ROBO2: variants seen among roughly 807,000 people sequenced by gnomAD.
ROBO2 encodes the protein roundabout guidance receptor 2, also known as roundabout homolog 2.
In ROBO2, 53 loss-of-function variants were observed where a neutral mutation model predicts 160.8. The ratio of observed to expected loss-of-function variants is 0.33; its 90% confidence interval spans 0.26 to 0.41. The LOEUF (loss-of-function observed/expected upper bound fraction) is 0.41. ROBO2 is among the 10% of genes least tolerant of loss of function. The pLI is 1.00. For synonymous variants in ROBO2, 664 were observed against 611.7 expected (o/e 1.09, Z -1.26); for missense variants, 1,577 against 1,722.4 (o/e 0.92, Z 1.49).
chr3:77,083,100 C>A (rs903018666), intron 1 of ROBO2, among the ~76,000 whole-genome samples: 1 of 152,024 alleles, frequency 6.6e-6, no homozygotes, highest in Non-Finnish European at 1.5e-5. Context: ...CTGCAGTCAG[C>A]GTATTTTTTC....
chr3:75,967,185 T>C (rs1949145509), intron 2 of ROBO2, among the ~76,000 whole-genome samples: 1 of 151,688 alleles, frequency 6.6e-6, no homozygotes, highest in Non-Finnish European at 1.5e-5. Flanking sequence ...TTCTCTTTTT[T>C]GTAAGTATCT....
intron 2 of ROBO2, among the ~76,000 whole-genome samples, chr3:76,399,543 G>A (rs2077691809): frequency 6.6e-6 from 1 of 151,702 alleles, no homozygotes; most frequent in Non-Finnish European, 1.5e-5. Context: ...AAACACCCCT[G>A]AGGTTTCTGA....
chr3:76,406,222 A>C lies in ROBO2; in HGVS notation c.109+468620A>C, dbSNP rs941891534. Among the ~76,000 whole-genome samples the C allele has an allele frequency of 4.6e-5, 7 of 151,980 alleles. No homozygotes were observed. The South Asian group carries it at 1.5e-3, about 32-fold the overall frequency. On this transcript the variant is annotated intron_variant, in intron 2 of 26. Coordinates refer to the ROBO2 transcript ENST00000487694. ...ACCATATGAATTTTACTCTCAGTAAAAATGTAATAAATCAATGGAATTTGC... is the reference window on the plus strand; with the variant it reads ...ACCATATGAATTTTACTCTCAGTAACAATGTAATAAATCAATGGAATTTGC...
intron 2 of ROBO2, among the ~76,000 whole-genome samples, chr3:76,769,398 G>C (rs2061757276): frequency 6.6e-6 from 1 of 151,272 alleles, no homozygotes; most frequent in South Asian, 2.1e-4. Flanking sequence ...ACCATGCTTT[G>C]AGGAGTAAAA....
chr3:76,755,281 G>A (rs1304633764), intron 2 of ROBO2, among the ~76,000 whole-genome samples: 1 of 151,804 alleles, frequency 6.6e-6, no homozygotes. Context: ...GATTCTAGAT[G>A]TGCTGCTTCA....
chr3:77,645,009 G>A, intron 25 of ROBO2, 105 bp downstream of exon 27: 3 of 1,207,514 alleles, frequency 2.5e-6, no homozygotes, highest in Non-Finnish European at 3.6e-6. Context: ...AACTTGCTCT[G>A]TTACAAAAAC....
At chr3:76,562,004 A>C (rs1560152586) in intron 2 of ROBO2, among the ~76,000 whole-genome samples, 1 of 152,096 alleles carries the variant, frequency 6.6e-6, no homozygotes, top group African/African-American at 2.4e-5. Flanking sequence ...AGAGGGCAAC[A>C]TCTGCCCCTG....
At chr3:76,453,002 G>A (rs1219767611) in intron 2 of ROBO2, among the ~76,000 whole-genome samples, 5 of 152,014 alleles carry the variant, frequency 3.3e-5, no homozygotes, top group African/African-American at 9.7e-5. Flanking sequence ...CATGTCCTTT[G>A]CCCACTTTTT....
At chr3:77,626,344 C>T (rs553131443) in intron 23 of ROBO2, among the ~76,000 whole-genome samples, 1 of 152,238 alleles carries the variant, frequency 6.6e-6, no homozygotes, top group South Asian at 2.1e-4. Flanking sequence ...CCCATGCTAA[C>T]AAAATTCAAC....
chr3:76,809,890 C>G (rs1289897191), intron 2 of ROBO2, among the ~76,000 whole-genome samples: 1 of 151,328 alleles, frequency 6.6e-6, no homozygotes, highest in Admixed American at 6.6e-5. Flanking sequence ...CACTAGAGAA[C>G]AGGACAATTT....
chr3:76,404,865 C>A (rs868546700), intron 2 of ROBO2, among the ~76,000 whole-genome samples: 1 of 151,202 alleles, frequency 6.6e-6, no homozygotes, highest in South Asian at 2.1e-4. Context: ...GTGAATATGG[C>A]GTATGTGAAA....
At chr3:77,113,465 T>G (rs2073883565) in intron 2 of ROBO2, among the ~76,000 whole-genome samples, 1 of 152,230 alleles carries the variant, frequency 6.6e-6, no homozygotes, top group South Asian at 2.1e-4. Context: ...TCTTCAAATG[T>G]GTATGTCATT....
chr3:76,426,546 G>T (rs77097133), intron 2 of ROBO2, among the ~76,000 whole-genome samples: 2,020 of 152,206 alleles, frequency 0.013, 27 homozygotes, highest in Non-Finnish European at 0.019. Flanking sequence ...TCATTCAAGT[G>T]CTTGGTCACA....
chr3:77,402,972 G>C (rs1335458752), intron 2 of ROBO2, among the ~76,000 whole-genome samples: 1 of 152,080 alleles, frequency 6.6e-6, no homozygotes, highest in East Asian at 1.9e-4. Flanking sequence ...ATGCCCCTCA[G>C]TTGAATTCCT....
chr3:76,239,686 T>C (rs1705172789), intron 2 of ROBO2, among the ~76,000 whole-genome samples: 1 of 152,170 alleles, frequency 6.6e-6, no homozygotes, highest in Non-Finnish European at 1.5e-5. Context: ...TTGATCAAGA[T>C]TACAAATTAA....
chr3:75,962,013 T>C (rs1328539662), intron 2 of ROBO2, among the ~76,000 whole-genome samples: 2 of 151,320 alleles, frequency 1.3e-5, no homozygotes, highest in African/African-American at 2.4e-5. Context: ...CTTGTATTAA[T>C]AAAAGAAGAC....
At chr3:77,122,305 G>A (rs1421278380) in intron 2 of ROBO2, among the ~76,000 whole-genome samples, 2 of 152,136 alleles carry the variant, frequency 1.3e-5, no homozygotes, top group Non-Finnish European at 2.9e-5. Flanking sequence ...TAAAAATGTA[G>A]ACTCTTTGAT....
At chr3:77,094,838 A>G (rs1188820936) in intron 1 of ROBO2, among the ~76,000 whole-genome samples, 3 of 152,060 alleles carry the variant, frequency 2.0e-5, no homozygotes, top group Non-Finnish European at 2.9e-5. Context: ...TTCTCTGTCA[A>G]ATTTGTTTAA....
intron 16 of ROBO2, among the ~76,000 whole-genome samples, chr3:77,586,305 T>G (rs1254978449): frequency 6.6e-6 from 1 of 152,162 alleles, no homozygotes; most frequent in Non-Finnish European, 1.5e-5. Flanking sequence ...CTTAATAGTA[T>G]AGTTATTGCT....
Sources: allele counts gnomAD v4.1 joint callset (sites outside exome capture counted in the v4.1 genomes callset), GRCh38; gene constraint gnomAD v4.1.1; transcripts MANE v1.5; gene names NCBI Gene and HGNC (gene_info 2026-07-23, HGNC 2026-07-21).